Variants in GLRA2 observed in about 807,000 individuals in gnomAD.
GLRA2 encodes glycine receptor alpha 2, also known as glycine receptor subunit alpha-2.
GLRA2 carries 11 observed loss-of-function variants against 31.6 expected under a neutral mutation model. The observed-to-expected ratio is 0.35, with a 90% CI of 0.22 to 0.58. GLRA2 has a LOEUF of 0.58. Among genes scored for constraint, GLRA2 ranks in the 20% least tolerant of loss-of-function variants. The probability of loss-of-function intolerance (pLI) is 0.84; values close to 1 mark genes in which losing one functional copy is unlikely to be tolerated. For missense variants in GLRA2, 212 were observed against 351.8 expected, an observed-to-expected ratio of 0.60 and a Z score of 3.18; for synonymous variants, 132 against 134.0, an observed-to-expected ratio of 0.99 and a Z score of 0.10.
chrX:14,453,529 C>T, the GLRA2 span, among the ~76,000 whole-genome samples: 1 of 111,876 alleles, frequency 8.9e-6, no homozygotes, highest in African/African-American at 3.2e-5. Context: ...AGTGACCCAT[C>T]AAGTGCTGGC....
chrX:14,497,208 G>A, the GLRA2 span, among the ~76,000 whole-genome samples: 2 of 111,700 alleles, frequency 1.8e-5, no homozygotes, highest in Non-Finnish European at 3.8e-5. Flanking sequence ...GTATCACATG[G>A]AAAGATGATG....
At chrX:14,574,893 AG>A (rs2089932621) in intron 3 of GLRA2, among the ~76,000 whole-genome samples, 1 of 111,294 alleles carries the variant, frequency 9.0e-6, no homozygotes, top group East Asian at 2.8e-4. Context: ...CAAATTTCAA[AG>A]TTTGAGAGAT....
At chrX:14,451,883 G>A in the GLRA2 span, among the ~76,000 whole-genome samples, 7,130 of 110,997 alleles carry the variant, frequency 0.064, 222 homozygotes, top group Non-Finnish European at 0.096. Flanking sequence ...ATTACATAAT[G>A]ATAAAGGGTT....
At chrX:14,648,379 T>G (rs1031486499) in intron 7 of GLRA2, among the ~76,000 whole-genome samples, 9 of 112,009 alleles carry the variant, frequency 8.0e-5, no homozygotes, top group Non-Finnish European at 1.3e-4. Context: ...GAAATAAATC[T>G]TGAATAAACA....
chrX:14,642,594 GA>G (rs2090787717), intron 7 of GLRA2, among the ~76,000 whole-genome samples: 1 of 107,927 alleles, frequency 9.3e-6, no homozygotes, highest in East Asian at 3.0e-4. Context: ...ATCTGGTCAT[GA>G]TTTTTTTTTT....
chrX:14,681,915 A>ATATATATATATATATATATATG (rs1569521066), intron 7 of GLRA2, among the ~76,000 whole-genome samples: 10 of 81,721 alleles, frequency 1.2e-4, no homozygotes, highest in South Asian at 1.1e-3. Flanking sequence ...AAAAAAATAT[A>ATATATATATATATATATATATG]TATATATATA....
intron 7 of GLRA2, among the ~76,000 whole-genome samples, chrX:14,685,337 A>C (rs2091263967): frequency 8.9e-6 from 1 of 111,861 alleles, no homozygotes; most frequent in Admixed American, 9.5e-5. Flanking sequence ...TCATAAAATG[A>C]CTTAGGGAGG....
intron 7 of GLRA2, among the ~76,000 whole-genome samples, chrX:14,659,058 CAGTGTCCTCT>C (rs1364510357): frequency 8.9e-6 from 1 of 112,150 alleles, no homozygotes; most frequent in African/African-American, 3.2e-5. Flanking sequence ...TTAAAGGCTC[CAGTGTCCTCT>C]ATAGCAGGGG....
chrX:14,483,612 C>G, the GLRA2 span, among the ~76,000 whole-genome samples: 1 of 111,941 alleles, frequency 8.9e-6, no homozygotes, highest in Non-Finnish European at 1.9e-5. Context: ...CTCTAAATGA[C>G]AATAAACTCC....
At chrX:14,448,935 G>A in the GLRA2 span, among the ~76,000 whole-genome samples, 35 of 110,799 alleles carry the variant, frequency 3.2e-4, no homozygotes, top group Admixed American at 6.7e-4. Context: ...CGAGGTGGAC[G>A]GTGAGTGAGC....
intron 7 of GLRA2, among the ~76,000 whole-genome samples, chrX:14,653,725 G>A (rs1389091866): frequency 8.9e-6 from 1 of 112,555 alleles, no homozygotes; most frequent in African/African-American, 3.2e-5. Context: ...TTTGAAAGAA[G>A]TTCCACTGTG....
intron 2 of GLRA2, among the ~76,000 whole-genome samples, chrX:14,533,281 T>G (rs181174264): frequency 1.8e-5 from 2 of 110,780 alleles, no homozygotes; most frequent in Admixed American, 1.9e-4. Flanking sequence ...ATTCATGCAT[T>G]GCTTACTTTT....
chrX:14,614,511 G>T (rs1164693880), intron 7 of GLRA2, among the ~76,000 whole-genome samples: 1 of 111,029 alleles, frequency 9.0e-6, no homozygotes, highest in Non-Finnish European at 1.9e-5. Context: ...CTCACCTTTG[G>T]CTATCTTCCA....
chrX:14,668,841 T>C (rs2091061195), intron 7 of GLRA2, among the ~76,000 whole-genome samples: 2 of 111,591 alleles, frequency 1.8e-5, no homozygotes, highest in Non-Finnish European at 3.8e-5. Context: ...CATATCATTC[T>C]GCCCCTAGCC....
At chrX:14,614,781 A>G (rs544304231) in intron 7 of GLRA2, among the ~76,000 whole-genome samples, 27 of 112,051 alleles carry the variant, frequency 2.4e-4, no homozygotes, top group African/African-American at 7.1e-4. Flanking sequence ...TCAGCAGCTT[A>G]CCAAATATAT....
At chrX:14,714,069 G>C (rs1198919234) in intron 8 of GLRA2, among the ~76,000 whole-genome samples, 1 of 110,803 alleles carries the variant, frequency 9.0e-6, no homozygotes, top group Non-Finnish European at 1.9e-5. Flanking sequence ...ATTAGGTTCT[G>C]GTTTGAAGCT....
At chrX:14,567,800 CA>C (rs1334123947) in intron 2 of GLRA2, among the ~76,000 whole-genome samples, 1 of 112,009 alleles carries the variant, frequency 8.9e-6, no homozygotes, top group Non-Finnish European at 1.9e-5. Flanking sequence ...AATGAACACA[CA>C]AAAATCAGTT....
chrX:14,586,555 G>A (rs1368684237), intron 4 of GLRA2, among the ~76,000 whole-genome samples: 1 of 112,222 alleles, frequency 8.9e-6, no homozygotes, highest in Non-Finnish European at 1.9e-5. Flanking sequence ...CTTCATCTGG[G>A]ATGGGGAAAG....
At chrX:14,683,219 C>G (rs1371357603) in intron 7 of GLRA2, among the ~76,000 whole-genome samples, 4 of 111,695 alleles carry the variant, frequency 3.6e-5, no homozygotes, top group Non-Finnish European at 7.5e-5. Context: ...CCTGTTGTTT[C>G]CTGACTTTTT....
Sources: gnomAD v4.1 joint callset for allele counts (sites outside exome capture counted in the v4.1 genomes callset) on GRCh38, gnomAD v4.1.1 for gene constraint, MANE v1.5 for transcripts, NCBI Gene and HGNC (gene_info 2026-07-23, HGNC 2026-07-21) for gene names.